The following GLRX3 variants were observed in gnomAD, a reference collection of about 807,000 sequenced individuals.
GLRX3 encodes glutaredoxin 3, also known as glutaredoxin-3.
Under a neutral mutation model 49.5 loss-of-function variants are expected in GLRX3, and 22 were observed. That is an observed-to-expected ratio of 0.44 (90% CI 0.32 to 0.63). The LOEUF (loss-of-function observed/expected upper bound fraction) is 0.63, where lower values mean the gene tolerates loss of function less well. Ranked by LOEUF, GLRX3 falls within the 30% of genes least tolerant of loss-of-function variation. GLRX3 has a pLI of 0.05. For synonymous variants in GLRX3, 133 were observed against 140.0 expected (o/e 0.95, Z 0.35); for missense variants, 385 against 396.3 (o/e 0.97, Z 0.24).
intron 2 of GLRX3, among the ~76,000 whole-genome samples, chr10:130,157,331 G>A (rs562087396): frequency 6.3e-4 from 95 of 149,624 alleles, no homozygotes; most frequent in Non-Finnish European, 1.3e-3. Context: ...TCGGCTCCAG[G>A]AGGGAGGGAT....
intron 2 of GLRX3, among the ~76,000 whole-genome samples, chr10:130,151,150 A>G (rs1443996428): frequency 6.6e-6 from 1 of 151,852 alleles, no homozygotes; most frequent in African/African-American, 2.4e-5. Flanking sequence ...CTGGTTTCGA[A>G]CTCATGACCT....
chr10:130,168,529 C>T (rs977881667), intron 6 of GLRX3, among the ~76,000 whole-genome samples: 1 of 152,206 alleles, frequency 6.6e-6, no homozygotes, highest in African/African-American at 2.4e-5. Flanking sequence ...ACTGCAAGCT[C>T]CGCCTCCCGG....
chr10:130,162,377 T>C (rs1476504657), intron 4 of GLRX3, among the ~76,000 whole-genome samples: 1 of 152,258 alleles, frequency 6.6e-6, no homozygotes, highest in Non-Finnish European at 1.5e-5. Context: ...AAAGCTAACT[T>C]AGTCTGTACT....
At chr10:130,139,820 T>G (rs1862140483) in intron 1 of GLRX3, among the ~76,000 whole-genome samples, 1 of 152,032 alleles carries the variant, frequency 6.6e-6, no homozygotes, top group Admixed American at 6.6e-5. Context: ...CCCCAGCTAC[T>G]CAGGAGGCTG....
At chr10:130,169,330 G>T in intron 6 of GLRX3, 103 bp from the exon 7 acceptor site, 1 of 750,002 alleles carries the variant, frequency 1.3e-6, no homozygotes. Flanking sequence ...GCTGTGAACT[G>T]TCATCCTGCC....
intron 2 of GLRX3, 32 bp from the exon 3 acceptor site, chr10:130,159,963 A>G (rs1453380503): frequency 1.4e-6 from 2 of 1,414,630 alleles, no homozygotes; most frequent in Non-Finnish European, 2.0e-6. Flanking sequence ...AGGACCTTGT[A>G]ATAATCAAGC....
chr10:130,158,635 T>G (rs1190269524), intron 2 of GLRX3, among the ~76,000 whole-genome samples: 4 of 152,160 alleles, frequency 2.6e-5, no homozygotes, highest in African/African-American at 9.7e-5. Context: ...AGGATGGTAG[T>G]GTAGGCATGC....
chr10:130,148,460 T>A (rs113087183), intron 2 of GLRX3, among the ~76,000 whole-genome samples: 10,576 of 103,444 alleles, frequency 0.1, 782 homozygotes, highest in African/African-American at 0.21. Context: ...TTTTTTTTTT[T>A]AATGATGAAA....
intron 10 of GLRX3, among the ~76,000 whole-genome samples, chr10:130,176,773 T>TC (rs756358553): frequency 7.2e-5 from 8 of 110,888 alleles, no homozygotes; most frequent in African/African-American, 1.5e-4. Flanking sequence ...TCCCTCCCTC[T>TC]TTCTCTCTCT....
chr10:130,154,564 AT>A (rs58539610), intron 2 of GLRX3, among the ~76,000 whole-genome samples: 13,579 of 145,078 alleles, frequency 0.094, 962 homozygotes, highest in African/African-American at 0.2. Flanking sequence ...TTGAAATACT[AT>A]TTTTTTTTTT....
chr10:130,177,773 T>C (rs1007103011), intron 10 of GLRX3, among the ~76,000 whole-genome samples: 1 of 152,154 alleles, frequency 6.6e-6, no homozygotes, highest in Non-Finnish European at 1.5e-5. Context: ...CTGAAAGCCG[T>C]CTGGGTTTTG....
intron 4 of GLRX3, among the ~76,000 whole-genome samples, chr10:130,161,604 C>T (rs1180184341): frequency 6.6e-6 from 1 of 152,194 alleles, no homozygotes; most frequent in Admixed American, 6.5e-5. Flanking sequence ...ATTTTCTGTA[C>T]ACATGGATGC....
intron 1 of GLRX3, among the ~76,000 whole-genome samples, chr10:130,137,577 C>T (rs1483155662): frequency 6.6e-6 from 1 of 152,186 alleles, no homozygotes; most frequent in East Asian, 1.9e-4. Flanking sequence ...AGATTAGCAC[C>T]TGTTAGTACC....
At chr10:130,162,462 A>T (rs1437923622) in intron 4 of GLRX3, among the ~76,000 whole-genome samples, 1 of 152,198 alleles carries the variant, frequency 6.6e-6, no homozygotes, top group East Asian at 1.9e-4. Flanking sequence ...AATGGTTCAC[A>T]TTCACCTTCT....
intron 2 of GLRX3, among the ~76,000 whole-genome samples, chr10:130,147,733 G>A (rs1862295331): frequency 6.6e-6 from 1 of 152,192 alleles, no homozygotes. Flanking sequence ...AGAGATCATC[G>A]TTCTTTCCCA....
At chr10:130,151,892 C>T (rs1308094751) in intron 2 of GLRX3, among the ~76,000 whole-genome samples, 1 of 152,204 alleles carries the variant, frequency 6.6e-6, no homozygotes, top group Non-Finnish European at 1.5e-5. Context: ...TGTCTTTGCA[C>T]ATGAGATGGG....
At chr10:130,145,812 T>G (rs1489273006) in intron 2 of GLRX3, among the ~76,000 whole-genome samples, 2 of 152,088 alleles carry the variant, frequency 1.3e-5, no homozygotes, top group East Asian at 3.9e-4. Context: ...TGCATTTTTT[T>G]TTTTTTTGAG....
chr10:130,147,670 A>G (rs1411728460), intron 2 of GLRX3, among the ~76,000 whole-genome samples: 2 of 152,158 alleles, frequency 1.3e-5, no homozygotes, highest in African/African-American at 2.4e-5. Flanking sequence ...TTTGTAAGGC[A>G]GCTAATTAAA....
chr10:130,153,340 G>T (rs752187575), intron 2 of GLRX3, among the ~76,000 whole-genome samples: 1 of 152,144 alleles, frequency 6.6e-6, no homozygotes. Flanking sequence ...TTATTCCCTT[G>T]CTGGCAAGGA....
Sources: allele counts gnomAD v4.1 joint callset (sites outside exome capture counted in the v4.1 genomes callset), GRCh38; gene constraint gnomAD v4.1.1; transcripts MANE v1.5; gene names NCBI Gene and HGNC (gene_info 2026-07-23, HGNC 2026-07-21).